SGCD: variants seen among roughly 807,000 people sequenced by gnomAD.
The protein encoded by SGCD is delta-sarcoglycan.
Under a neutral mutation model 36.6 loss-of-function variants are expected in SGCD, and 18 were observed. The observed-to-expected ratio is 0.49, with a 90% confidence interval of 0.34 to 0.73. SGCD has a LOEUF of 0.73. Ranked by LOEUF, SGCD falls within the 30% of genes least tolerant of loss-of-function variation. SGCD has a pLI of 0.01. For synonymous variants in SGCD, 133 were observed against 130.6 expected (o/e 1.02, Z -0.12); for missense variants, 387 against 346.7 (o/e 1.12, Z -0.92).
At chr5:155,759,738 C>T in the SGCD span, among the ~76,000 whole-genome samples, 6 of 152,190 alleles carry the variant, frequency 3.9e-5, no homozygotes, top group African/African-American at 1.4e-4. Context: ...CATTTTGAGG[C>T]ATCTTTCCTT....
intron 4 of SGCD, among the ~76,000 whole-genome samples, chr5:156,530,325 G>A (rs1402987745): frequency 6.6e-6 from 1 of 152,184 alleles, no homozygotes; most frequent in Non-Finnish European, 1.5e-5. Flanking sequence ...ATTATCCTTA[G>A]GTGGTAGCTC....
At chr5:155,903,342 T>A (rs953310489) in intron 1 of SGCD, among the ~76,000 whole-genome samples, 1 of 152,198 alleles carries the variant, frequency 6.6e-6, no homozygotes, top group African/African-American at 2.4e-5. Context: ...ACTAGCTAAT[T>A]ATAGCTGCTC....
intron 8 of SGCD, 139 bp from the exon 9 acceptor site, chr5:156,759,078 C>A: frequency 1.5e-6 from 1 of 647,302 alleles, no homozygotes; most frequent in Non-Finnish European, 2.8e-6. Context: ...ATCCAAATCC[C>A]CAGTACCAAA....
At chr5:156,179,712 C>G (rs892284465) in intron 3 of SGCD, among the ~76,000 whole-genome samples, 3 of 151,678 alleles carry the variant, frequency 2.0e-5, no homozygotes. Flanking sequence ...ACCTCTCCGC[C>G]TCTGGGGTTC....
At chr5:156,321,684 G>C (rs537987437) in intron 3 of SGCD, among the ~76,000 whole-genome samples, 1 of 152,274 alleles carries the variant, frequency 6.6e-6, no homozygotes, top group East Asian at 1.9e-4. Context: ...ACATGGATGA[G>C]CATGTGGCTC....
chr5:156,311,463 T>C (rs930700807), intron 3 of SGCD, among the ~76,000 whole-genome samples: 1 of 152,194 alleles, frequency 6.6e-6, no homozygotes, highest in Non-Finnish European at 1.5e-5. Flanking sequence ...GATATGCATA[T>C]ATAGAAGTAA....
chr5:155,858,874 A>C, the SGCD span, among the ~76,000 whole-genome samples: 1 of 151,702 alleles, frequency 6.6e-6, no homozygotes, highest in Non-Finnish European at 1.5e-5. Flanking sequence ...AAGTTTGAGA[A>C]ATGTTTTCTT....
rs62380665 is a variant in SGCD at position 155,915,407 on chromosome 5, A to G, written c.-282+44983A>G. On this transcript the variant is annotated intron_variant, in intron 1 of 9. Coordinates refer to the SGCD transcript ENST00000517913. The stretch of plus-strand genomic sequence containing the variant: ...TAAAGTAATCCTTGACTAAATATAT[A>G]ATGATAAAACTGAAAGATGGATGAG... Among the ~76,000 whole-genome samples the G allele has an allele frequency of 8.5e-3, 1,300 of 152,282 alleles. 5 individuals carry two copies. The highest frequency in any genetic ancestry group is 0.014 in the Non-Finnish European group (945 of 68,006).
At chr5:156,315,856 T>C (rs1767503868) in intron 3 of SGCD, among the ~76,000 whole-genome samples, 4 of 152,022 alleles carry the variant, frequency 2.6e-5, no homozygotes, top group Admixed American at 2.0e-4. Context: ...TTGTATGTCT[T>C]TGGGAAAATA....
At chr5:156,263,401 T>TTGAGAATTGTCTATTCATG (rs1286060516) in intron 3 of SGCD, among the ~76,000 whole-genome samples, 48 of 152,290 alleles carry the variant, frequency 3.2e-4, no homozygotes, top group Non-Finnish European at 5.6e-4. Flanking sequence ...ATATCTTCTT[T>TTGAGAATTGTCTATTCATG]TGAGAATTGT....
At chr5:156,654,155 A>G (rs1468769006) in intron 7 of SGCD, among the ~76,000 whole-genome samples, 1 of 152,168 alleles carries the variant, frequency 6.6e-6, no homozygotes, top group East Asian at 1.9e-4. Context: ...TTATAGGAGA[A>G]CAATTACCCA....
chr5:156,534,866 A>G (rs1253312139), intron 4 of SGCD, among the ~76,000 whole-genome samples: 1 of 152,198 alleles, frequency 6.6e-6, no homozygotes, highest in Non-Finnish European at 1.5e-5. Context: ...AATGACCACT[A>G]TTATTACTAG....
intron 3 of SGCD, among the ~76,000 whole-genome samples, chr5:156,206,843 G>T (rs538471372): frequency 9.3e-4 from 141 of 151,976 alleles, no homozygotes; most frequent in African/African-American, 3.3e-3. Context: ...ACATGAAAAT[G>T]CACTGCCTTA....
chr5:156,024,474 T>G (rs903681993), intron 1 of SGCD, among the ~76,000 whole-genome samples: 16 of 152,060 alleles, frequency 1.1e-4, no homozygotes, highest in African/African-American at 3.9e-4. Flanking sequence ...CTCTAGTACC[T>G]CTCTTGACCT....
chr5:155,879,787 C>T (rs565650273), intron 1 of SGCD, among the ~76,000 whole-genome samples: 1 of 152,174 alleles, frequency 6.6e-6, no homozygotes, highest in East Asian at 1.9e-4. Flanking sequence ...CTCACCACAC[C>T]TCTCTAAGGC....
At chr5:156,146,701 G>A (rs1762716422) in intron 3 of SGCD, among the ~76,000 whole-genome samples, 1 of 152,120 alleles carries the variant, frequency 6.6e-6, no homozygotes, top group Non-Finnish European at 1.5e-5. Flanking sequence ...TCCCAAAAAG[G>A]TAAATGATGA....
At chr5:156,228,660 G>T (rs531866852) in intron 3 of SGCD, among the ~76,000 whole-genome samples, 4 of 152,226 alleles carry the variant, frequency 2.6e-5, no homozygotes, top group South Asian at 2.1e-4. Flanking sequence ...GAGATGTGAG[G>T]TACCATTCCA....
chr5:155,935,750 C>T (rs564551652), intron 1 of SGCD, among the ~76,000 whole-genome samples: 18 of 152,294 alleles, frequency 1.2e-4, no homozygotes, highest in African/African-American at 3.9e-4. Context: ...CCTCTGTGGC[C>T]AGTGGTGCTT....
chr5:156,412,836 C>T (rs943759386), intron 3 of SGCD, among the ~76,000 whole-genome samples: 37 of 145,974 alleles, frequency 2.5e-4, no homozygotes, highest in Admixed American at 9.6e-4. Flanking sequence ...TCGCCCAGGC[C>T]GGACTGCGGA....
Sources: allele counts gnomAD v4.1 joint callset (sites outside exome capture counted in the v4.1 genomes callset), GRCh38; gene constraint gnomAD v4.1.1; transcripts MANE v1.5; gene names NCBI Gene and HGNC (gene_info 2026-07-23, HGNC 2026-07-21).